Variants in NAALADL2 observed in about 807,000 individuals in gnomAD.
The protein encoded by NAALADL2 is inactive N-acetylated-alpha-linked acidic dipeptidase-like protein 2.
In NAALADL2, 76 loss-of-function variants were observed where a neutral mutation model predicts 87.2. That is an observed-to-expected ratio of 0.87 (90% CI 0.72 to 1.05). NAALADL2 has a LOEUF of 1.05. Ranked by LOEUF, NAALADL2 falls within the 50% of genes least tolerant of loss-of-function variation. The probability of loss-of-function intolerance (pLI) is 0.00; values close to 1 mark genes in which losing one functional copy is unlikely to be tolerated. For missense variants in NAALADL2, 1,089 were observed against 945.8 expected, an observed-to-expected ratio of 1.15 and a Z score of -1.99; for synonymous variants, 354 against 331.0, an observed-to-expected ratio of 1.07 and a Z score of -0.75.
intron 10 of NAALADL2, among the ~76,000 whole-genome samples, chr3:175,610,474 C>G (rs1724471561): frequency 6.6e-6 from 1 of 152,102 alleles, no homozygotes; most frequent in Non-Finnish European, 1.5e-5. Flanking sequence ...CATGACCACA[C>G]AGATGGCTAT....
At chr3:174,669,514 G>A (rs566216) in intron 2 of NAALADL2, among the ~76,000 whole-genome samples, 96,689 of 151,860 alleles carry the variant, frequency 0.64, 31,490 homozygotes, top group Admixed American at 0.72. Flanking sequence ...TCCTCTTTAT[G>A]TGGTCTTGGT....
chr3:174,677,581 G>C (rs189304356), intron 2 of NAALADL2, among the ~76,000 whole-genome samples: 2 of 152,190 alleles, frequency 1.3e-5, no homozygotes, highest in Admixed American at 1.3e-4. Context: ...ATTGTGCCTA[G>C]AAGAAATACA....
chr3:174,787,576 C>CATATATATATATATATATACGT (rs1716825658), intron 3 of NAALADL2, among the ~76,000 whole-genome samples: 1 of 14,728 alleles, frequency 6.8e-5, no homozygotes, highest in Non-Finnish European at 1.5e-4. Context: ...AATATATCAT[C>CATATATATATATATATATACGT]ATATATATAT....
chr3:175,730,553 A>G (rs1428589344), intron 11 of NAALADL2, among the ~76,000 whole-genome samples: 1 of 149,112 alleles, frequency 6.7e-6, no homozygotes, highest in Non-Finnish European at 1.5e-5. Flanking sequence ...TATATTCTTA[A>G]CATTCTAGAA....
rs769887499 is a variant in NAALADL2, at chr3:175,447,183, A to C, written c.1091-46A>C. The C allele has an allele frequency of 7.3e-6, 10 of 1,363,180 alleles. No homozygotes were observed. The South Asian group carries it at 1.4e-4, about 19-fold the overall frequency. The allele number at this position is 1,363,180 out of a possible 1,614,324, so 84.4% of individuals were successfully genotyped here. A position where few individuals can be genotyped will look rare whatever the true frequency, so the allele number is the denominator to read the frequency against. ...AGATAACTTTTCCTTAAGTGTTTTA[A>C]ATTTCTGTTTACTAAGGATTATCTT... On this transcript the variant is annotated intron_variant, in intron 5 of 13. Coordinates refer to ENST00000454872, the MANE Select transcript of NAALADL2 (RefSeq NM_207015.3).
At chr3:174,725,471 A>G (rs568483989) in intron 2 of NAALADL2, among the ~76,000 whole-genome samples, 1 of 152,268 alleles carries the variant, frequency 6.6e-6, no homozygotes, top group Admixed American at 6.5e-5. Flanking sequence ...TCATACTGGA[A>G]AATTCCAAGG....
chr3:175,322,473 A>C (rs1241178957), intron 4 of NAALADL2, among the ~76,000 whole-genome samples: 93 of 100,450 alleles, frequency 9.3e-4, no homozygotes, highest in African/African-American at 3.3e-3. Flanking sequence ...GCAACAAAAG[A>C]CAAAATTGAC....
intron 9 of NAALADL2, among the ~76,000 whole-genome samples, chr3:175,555,357 C>T (rs780331110): frequency 6.6e-6 from 1 of 152,132 alleles, no homozygotes; most frequent in Non-Finnish European, 1.5e-5. Context: ...GCAGTGAGTA[C>T]ATTTATTGCA....
At chr3:175,623,237 G>A (rs564137828) in intron 10 of NAALADL2, among the ~76,000 whole-genome samples, 16 of 147,522 alleles carry the variant, frequency 1.1e-4, no homozygotes, top group East Asian at 8.1e-4. Flanking sequence ...CTAGAAAACC[G>A]AATTTATTTG....
At chr3:175,673,964 T>C (rs1734363300) in intron 11 of NAALADL2, among the ~76,000 whole-genome samples, 1 of 152,026 alleles carries the variant, frequency 6.6e-6, no homozygotes, top group Non-Finnish European at 1.5e-5. Context: ...TTATTTTTGC[T>C]TCATTGTAAG....
intron 11 of NAALADL2, among the ~76,000 whole-genome samples, chr3:175,661,721 T>C (rs1163231485): frequency 6.6e-6 from 1 of 152,098 alleles, no homozygotes; most frequent in Admixed American, 6.6e-5. Context: ...GTTTATCTAG[T>C]TTTCCCAACA....
At chr3:175,209,864 C>G (rs963131318) in intron 2 of NAALADL2, among the ~76,000 whole-genome samples, 1 of 151,276 alleles carries the variant, frequency 6.6e-6, no homozygotes, top group Non-Finnish European at 1.5e-5. Context: ...GATTAACACA[C>G]TTATGTGCAG....
chr3:174,978,528 A>G (rs1334304859), intron 1 of NAALADL2, among the ~76,000 whole-genome samples: 1 of 152,200 alleles, frequency 6.6e-6, no homozygotes, highest in Non-Finnish European at 1.5e-5. Context: ...TTGCCACTCT[A>G]TAGATATACT....
At chr3:175,782,514 G>T (rs1751282259) in intron 13 of NAALADL2, among the ~76,000 whole-genome samples, 2 of 134,134 alleles carry the variant, frequency 1.5e-5, no homozygotes, top group Admixed American at 7.5e-5. Context: ...CTTTTGAGAA[G>T]TGTCTGTTCA....
chr3:175,247,133 T>A (rs1748136836), intron 3 of NAALADL2, among the ~76,000 whole-genome samples: 2 of 152,194 alleles, frequency 1.3e-5, no homozygotes, highest in South Asian at 4.1e-4. Flanking sequence ...CTGGTATTTA[T>A]TTACTATTGA....
chr3:175,264,953 T>A (rs1751679677), intron 4 of NAALADL2, among the ~76,000 whole-genome samples: 1 of 151,664 alleles, frequency 6.6e-6, no homozygotes, highest in Non-Finnish European at 1.5e-5. Context: ...TGTAATAGCC[T>A]ACATCATAAA....
At chr3:175,049,231 C>G (rs1700800161) in intron 1 of NAALADL2, among the ~76,000 whole-genome samples, 1 of 152,036 alleles carries the variant, frequency 6.6e-6, no homozygotes, top group Admixed American at 6.6e-5. Flanking sequence ...AGGTGGGTAG[C>G]TTATACAGCA....
intron 1 of NAALADL2, among the ~76,000 whole-genome samples, chr3:174,474,948 G>A (rs1483092841): frequency 3.3e-5 from 5 of 152,112 alleles, no homozygotes; most frequent in South Asian, 4.1e-4. Flanking sequence ...TATAGACATT[G>A]CCCTTAGGAT....
intron 13 of NAALADL2, among the ~76,000 whole-genome samples, chr3:175,782,564 T>C (rs555727608): frequency 1.3e-4 from 19 of 144,632 alleles, no homozygotes; most frequent in Non-Finnish European, 2.2e-4. Flanking sequence ...TTTGTTTTTT[T>C]CTTGTAAATT....
Sources: allele counts gnomAD v4.1 joint callset (sites outside exome capture counted in the v4.1 genomes callset), GRCh38; gene constraint gnomAD v4.1.1; transcripts MANE v1.5; gene names NCBI Gene and HGNC (gene_info 2026-07-23, HGNC 2026-07-21).